The following ERAP2 variants were observed in gnomAD, a reference collection of about 807,000 sequenced individuals.
ERAP2 encodes endoplasmic reticulum aminopeptidase 2.
In ERAP2, 118 loss-of-function variants were observed where a neutral mutation model predicts 111.1. The ratio of observed to expected loss-of-function variants is 1.06; its 90% CI spans 0.92 to 1.24. The LOEUF is 1.24. Ranked by LOEUF, ERAP2 falls within the 50% of genes most tolerant of loss-of-function variation. ERAP2 has a pLI of 0.00. For synonymous variants in ERAP2, 410 were observed against 401.2 expected, an observed-to-expected ratio of 1.02 and a Z score of -0.26; for missense variants, 1,131 against 1,125.8, an observed-to-expected ratio of 1.00 and a Z score of -0.07.
chr5:96,898,891 T>C (rs1482519167), intron 9 of ERAP2, among the ~76,000 whole-genome samples: 1 of 152,188 alleles, frequency 6.6e-6, no homozygotes, highest in Non-Finnish European at 1.5e-5. Context: ...CTGTCTCTCA[T>C]CCCTCTCCAT....
At chr5:96,876,969 T>G (rs1054745976) in intron 1 of ERAP2, among the ~76,000 whole-genome samples, 28 of 152,174 alleles carry the variant, frequency 1.8e-4, no homozygotes, top group African/African-American at 6.5e-4. Context: ...ATTTAATTTA[T>G]GTATTTATTT....
intron 2 of ERAP2, chr5:96,881,547 A>G (rs1341880282): frequency 2.2e-6 from 1 of 453,268 alleles, no homozygotes; most frequent in Non-Finnish European, 4.4e-6. Context: ...AGTTGGAGAA[A>G]TCTAAATTCC....
intron 16 of ERAP2, among the ~76,000 whole-genome samples, chr5:96,913,035 A>T (rs1004944448): frequency 1.3e-5 from 2 of 152,246 alleles, no homozygotes; most frequent in African/African-American, 2.4e-5. Context: ...TATCTTCAGA[A>T]ACTTGAAGAA....
In ERAP2 at chr5:96,886,041, G is replaced by C. The variant is rs551172530; in HGVS notation, c.715-614G>C. Among the ~76,000 whole-genome samples the C allele has an allele frequency of 2.6e-5, 4 of 152,348 alleles. No individual in the cohort carries two copies. In the East Asian group the frequency reaches 7.7e-4, roughly 29 times the overall value. ...TCAAGCTGTCACGCAGCAAGTGAGA[G>C]AATGAGCATCATCTTTGGAGTCACA... On this transcript the variant is annotated intron_variant, in intron 3 of 18. Transcript: ENST00000437043.
chr5:96,885,693 A>G (rs1783645422), intron 3 of ERAP2, among the ~76,000 whole-genome samples: 1 of 152,246 alleles, frequency 6.6e-6, no homozygotes, highest in Non-Finnish European at 1.5e-5. Flanking sequence ...GAAAGGGCTC[A>G]GGGATAGAGG....
intron 17 of ERAP2, among the ~76,000 whole-genome samples, chr5:96,913,858 C>T (rs984682724): frequency 6.6e-6 from 1 of 152,180 alleles, no homozygotes; most frequent in African/African-American, 2.4e-5. Flanking sequence ...GGGAAAATCT[C>T]AGGAATTTTG....
At chr5:96,896,254 C>G in intron 7 of ERAP2, 119 bp from the exon 8 acceptor site, 1 of 770,772 alleles carries the variant, frequency 1.3e-6, no homozygotes, top group Non-Finnish European at 2.0e-6. Flanking sequence ...AGAAACATCT[C>G]CCAAGAAATA....
chr5:96,897,076 CCTGA>C (rs1286283117), intron 9 of ERAP2, among the ~76,000 whole-genome samples: 4 of 138,302 alleles, frequency 2.9e-5, no homozygotes, highest in Non-Finnish European at 4.8e-5. Context: ...CACTATTTGA[CCTGA>C]CTTTCTTTGG....
chr5:96,913,557 ACCATTTGTAT>A (rs1442907179), intron 17 of ERAP2, 100 bp downstream of exon 17: 2 of 1,360,680 alleles, frequency 1.5e-6, no homozygotes, highest in Non-Finnish European at 2.1e-6. Context: ...TATAAATAAT[ACCATTTGTAT>A]CCAAATAGTT....
intron 17 of ERAP2, 68 bp downstream of exon 17, chr5:96,913,525 T>A: frequency 1.3e-6 from 2 of 1,531,776 alleles, no homozygotes; most frequent in Non-Finnish European, 1.8e-6. Flanking sequence ...AAACCAAGTG[T>A]AATCAAATGT....
At chr5:96,902,978 T>C (rs1561387456) in intron 12 of ERAP2, among the ~76,000 whole-genome samples, 1 of 152,226 alleles carries the variant, frequency 6.6e-6, no homozygotes, top group African/African-American at 2.4e-5. Context: ...CCTTCTTTAC[T>C]AAAATGAACA....
intron 17 of ERAP2, among the ~76,000 whole-genome samples, chr5:96,915,302 C>A (rs1214525436): frequency 1.3e-5 from 2 of 152,132 alleles, no homozygotes; most frequent in Admixed American, 6.5e-5. Context: ...AGCCACCGCG[C>A]CCAGCCCATA....
chr5:96,886,742 G>C lies in ERAP2; in HGVS notation c.802G>C (p.Val268Leu). 1.3e-6 allele frequency: 2 copies of C among 1,538,406 alleles called. No homozygotes were observed. Among genetic ancestry groups the C allele is most frequent in the Non-Finnish European group, 1.8e-6 (2 of 1,128,210 alleles). Residue 268 changes from valine (V) to leucine (L), a missense_variant, in exon 4 of 19, where the codon GTT (valine) becomes CTT (leucine). Physicochemically the swap from Val to Leu is conservative, Grantham distance 32. Around this residue, in one of 3 missense-constraint regions of ERAP2, gnomAD observed 847 missense variants for 856.5 expected, o/e 0.99. Coordinates refer to ENST00000437043, the MANE Select transcript of ERAP2 (RefSeq NM_022350.5). The stretch of plus-strand genomic sequence containing the variant: ...GAGTACATACCTTGTAGCCTACATA[G>C]TTTGTGATTTCCACTCTCTGAGTGG... ...KMSTYLVAYI[V>L]CDFHSLSGFT...
intron 6 of ERAP2, among the ~76,000 whole-genome samples, chr5:96,892,821 C>A (rs567998270): frequency 2.0e-5 from 3 of 152,164 alleles, no homozygotes; most frequent in Non-Finnish European, 4.4e-5. Context: ...GGTACTCTGG[C>A]ATTCCAATCT....
intron 3 of ERAP2, among the ~76,000 whole-genome samples, chr5:96,885,378 G>A (rs2151128568): frequency 6.6e-6 from 1 of 152,250 alleles, no homozygotes; most frequent in East Asian, 1.9e-4. Context: ...GACGGTTGTT[G>A]GGGAAAATTA....
intron 6 of ERAP2, among the ~76,000 whole-genome samples, chr5:96,893,506 C>A (rs1784581343): frequency 6.6e-6 from 1 of 152,178 alleles, no homozygotes; most frequent in South Asian, 2.1e-4. Context: ...GTGTTTTGAT[C>A]ATGAGTCACC....
intron 6 of ERAP2, among the ~76,000 whole-genome samples, chr5:96,894,163 G>A (rs1314867151): frequency 6.6e-6 from 1 of 152,194 alleles, no homozygotes; most frequent in Admixed American, 6.5e-5. Context: ...CATGGTGCCA[G>A]GAACGCAGTA....
chr5:96,896,616 A>C (rs1784882727), intron 8 of ERAP2, 112 bp downstream of exon 8: 2 of 1,456,402 alleles, frequency 1.4e-6, no homozygotes, highest in African/African-American at 3.0e-5. Context: ...TTCACTTTTT[A>C]TTTGTTCACT....
chr5:96,902,388 G>A (rs1194025854), intron 12 of ERAP2, 35 bp downstream of exon 12: 2 of 1,338,040 alleles, frequency 1.5e-6, no homozygotes, highest in South Asian at 1.2e-5. Flanking sequence ...GTATTTCAAT[G>A]TGGAAATTAA....
Sources: allele counts gnomAD v4.1 joint callset (sites outside exome capture counted in the v4.1 genomes callset), GRCh38; gene constraint gnomAD v4.1.1; regional missense constraint gnomAD v4.1.1; transcripts MANE v1.5; gene names NCBI Gene and HGNC (gene_info 2026-07-23, HGNC 2026-07-21).